The following ATG16L1 variants were observed in gnomAD, a reference collection of about 807,000 sequenced individuals.
ATG16L1 encodes the protein autophagy related 16 like 1.
A neutral mutation model predicts 88.5 loss-of-function variants in ATG16L1; 37 were observed. That is an observed-to-expected ratio of 0.42 (90% confidence interval 0.32 to 0.55). The LOEUF is 0.55. Among genes scored for constraint, ATG16L1 ranks in the 20% least tolerant of loss-of-function variants. The pLI is 0.13. For missense variants in ATG16L1, 554 were observed against 752.8 expected, an observed-to-expected ratio of 0.74 and a Z score of 3.09; for synonymous variants, 301 against 281.0, an observed-to-expected ratio of 1.07 and a Z score of -0.71.
intron 8 of ATG16L1, chr2:233,274,446 A>G (rs1698205029): frequency 4.4e-6 from 2 of 454,838 alleles, no homozygotes; most frequent in Non-Finnish European, 7.9e-6. Flanking sequence ...TTTGGAGTCC[A>G]CAGGTTAGTG....
At chr2:233,253,340 G>GTTTT (rs56151049) in intron 1 of ATG16L1, among the ~76,000 whole-genome samples, 1,417 of 108,470 alleles carry the variant, frequency 0.013, 64 homozygotes, top group African/African-American at 0.035. Context: ...GGGTTTTTTT[G>GTTTT]TTTTTTTTTT....
At chr2:233,288,596 T>G in intron 12 of ATG16L1, 1 of 372,480 alleles carries the variant, frequency 2.7e-6, no homozygotes, top group South Asian at 2.1e-5. Context: ...ATTTTCTAAT[T>G]AGAAAGAAAA....
chr2:233,265,212 A>G (rs1338940062), intron 5 of ATG16L1, 69 bp downstream of exon 5: 2 of 1,564,798 alleles, frequency 1.3e-6, no homozygotes, highest in Non-Finnish European at 1.7e-6. Flanking sequence ...TTGAAAAGAA[A>G]GAGATAAACC....
Position 233,282,732 on chromosome 2 carries a change from T to C in ATG16L1, c.1182T>C (p.Thr394=). The part of the protein sequence containing the change: ...ASNDFASRIW[T]VDDYRLRHTL... ...ATGATTTTGCAAGCCGAATCTGGACTGTGGATGATTATCGATTACGGGTAA... is the reference window on the plus strand; with the variant it reads ...ATGATTTTGCAAGCCGAATCTGGACCGTGGATGATTATCGATTACGGGTAA... The change falls in exon 12 of 18, where the codon ACT becomes ACC. Residue 394 remains threonine (T), a synonymous_variant. Transcript: ENST00000392017. 1.2e-6 allele frequency: 2 copies of C among 1,614,132 alleles called. No individual in the cohort carries two copies. The highest frequency in any genetic ancestry group is 1.7e-6 in the Non-Finnish European group (2 of 1,179,980).
intron 8 of ATG16L1, chr2:233,274,033 T>G (rs565076810): frequency 6.4e-7 from 1 of 1,550,554 alleles, no homozygotes; most frequent in African/African-American, 1.4e-5. Context: ...CTTCTTCTGA[T>G]GCTGCCAGGT....
At position 233,294,587 on chromosome 2, in the gene ATG16L1, C is replaced by A. The variant is rs76072155; in HGVS notation, c.*237C>A. On this transcript the variant is annotated 3_prime_UTR_variant, in exon 18 of 18. Transcript: ENST00000392017. Reference sequence around the variant, plus strand: ...TGACGCTGCGGTCACTTAGCAGAGGCTCAGGTTCTTGCCTTGGGAAACACT... The same window carrying A: ...TGACGCTGCGGTCACTTAGCAGAGGATCAGGTTCTTGCCTTGGGAAACACT... 3,994 of 380,690 alleles carry A rather than the reference C, an allele frequency of 0.01. 301 individuals are homozygous for A. In the East Asian group the frequency reaches 0.16, roughly 15 times the overall value. The allele number at this position is 380,690 out of a possible 1,614,324, so 23.6% of individuals were successfully genotyped here.
chr2:233,272,963 C>T lies in ATG16L1; in HGVS notation c.708-3C>T, dbSNP rs1375553673. 1.2e-5 allele frequency: 19 copies of T among 1,612,924 alleles called. No homozygotes were observed. Among genetic ancestry groups the T allele is most frequent in the Non-Finnish European group, 1.5e-5 (18 of 1,179,070 alleles). ...TCAAAGAATGTCTTGCCTTTCTTTCCAGGGATGATGACATTGAGGTCATTG... is the reference window on the plus strand; with the variant it reads ...TCAAAGAATGTCTTGCCTTTCTTTCTAGGGATGATGACATTGAGGTCATTG... On this transcript the variant is annotated splice_region_variant and splice_polypyrimidine_tract_variant and intron_variant, in intron 6 of 17. Transcript: ENST00000392017.
Position 233,265,103 on chromosome 2 carries a change from G to A in ATG16L1, c.601G>A (p.Glu201Lys), listed in dbSNP as rs1343097320. ...VTRWMAEKAQ[E>K]ANRLNAENEK... is the part of the protein sequence containing the mutation. Reference sequence around the variant, plus strand: ...CAGATGGATGGCTGAGAAAGCCCAGGAAGCCAATCGGCTTAATGCAGAGAA... The same window carrying A: ...CAGATGGATGGCTGAGAAAGCCCAGAAAGCCAATCGGCTTAATGCAGAGAA... The change falls in exon 5 of 18, where the codon GAA (glutamate) becomes AAA (lysine). Residue 201 changes from glutamate to lysine, a missense_variant. Coordinates refer to ENST00000392017, the MANE Select transcript of ATG16L1 (RefSeq NM_030803.7). 9.3e-6 allele frequency: 15 copies of A among 1,614,192 alleles called. No homozygotes were observed. Among genetic ancestry groups the A allele is most frequent in the Non-Finnish European group, 1.2e-5 (14 of 1,180,026 alleles).
chr2:233,262,403 G>A (rs184898140), intron 2 of ATG16L1, among the ~76,000 whole-genome samples: 11 of 152,028 alleles, frequency 7.2e-5, no homozygotes, highest in Admixed American at 2.0e-4. Context: ...TTCCCTTCAC[G>A]CCTAGTAAAC....
intron 12 of ATG16L1, among the ~76,000 whole-genome samples, chr2:233,285,289 A>C (rs1699002616): frequency 6.6e-6 from 1 of 152,186 alleles, no homozygotes; most frequent in Admixed American, 6.5e-5. Flanking sequence ...CCCTTAGAGG[A>C]GAAGAGGAAG....
intron 12 of ATG16L1, among the ~76,000 whole-genome samples, chr2:233,289,377 A>ATATGTGTGTGTGTGTGTGTGTGTG (rs1553608984): frequency 1.5e-5 from 2 of 129,060 alleles, no homozygotes. Context: ...CCTGTTTGGG[A>ATATGTGTGTGTGTGTGTGTGTGTG]TGTGTGTGTG....
intron 2 of ATG16L1, among the ~76,000 whole-genome samples, chr2:233,262,664 T>C (rs2125220040): frequency 6.6e-6 from 1 of 152,302 alleles, no homozygotes; most frequent in Non-Finnish European, 1.5e-5. Flanking sequence ...GAAACCCTCC[T>C]CAATTACGTT....
chr2:233,252,910 T>C (rs1393159735), intron 1 of ATG16L1, among the ~76,000 whole-genome samples: 1 of 152,242 alleles, frequency 6.6e-6, no homozygotes, highest in African/African-American at 2.4e-5. Context: ...GTTGATGATA[T>C]TCAGAATAAT....
At chr2:233,275,493 A>G in intron 9 of ATG16L1, 2 of 349,430 alleles carry the variant, frequency 5.7e-6, no homozygotes, top group South Asian at 4.4e-5. Flanking sequence ...CAGCTTTCAA[A>G]GCAGGGAAGA....
At chr2:233,275,246 T>A (rs1289207200) in intron 9 of ATG16L1, 1 of 198,428 alleles carries the variant, frequency 5.0e-6, no homozygotes, top group Non-Finnish European at 1.0e-5. Flanking sequence ...GCCACGGTGA[T>A]GGATACCAGG....
At chr2:233,253,332 G>GT (rs570754671) in intron 1 of ATG16L1, among the ~76,000 whole-genome samples, 3,922 of 112,252 alleles carry the variant, frequency 0.035, 353 homozygotes, top group African/African-American at 0.076. Context: ...GTGAGACTGG[G>GT]TTTTTTTGTT....
chr2:233,283,042 A>C, intron 12 of ATG16L1: 2 of 326,176 alleles, frequency 6.1e-6, no homozygotes, highest in South Asian at 6.7e-5. Flanking sequence ...GCTTAATGGC[A>C]CAGAACTTAG....
chr2:233,281,077 A>G, intron 10 of ATG16L1, 28 bp from the exon 11 acceptor site: 2 of 1,491,952 alleles, frequency 1.3e-6, no homozygotes, highest in South Asian at 2.4e-5. Flanking sequence ...TTAACTTCCC[A>G]TCATCCTAAT....
intron 14 of ATG16L1, among the ~76,000 whole-genome samples, chr2:233,291,069 A>G (rs1215987795): frequency 6.6e-6 from 1 of 152,182 alleles, no homozygotes; most frequent in Non-Finnish European, 1.5e-5. Flanking sequence ...GAGAGAATCT[A>G]TTTGAAGGAG....
Sources: gnomAD v4.1 joint callset for allele counts (sites outside exome capture counted in the v4.1 genomes callset) on GRCh38, gnomAD v4.1.1 for gene constraint, MANE v1.5 for transcripts, NCBI Gene and HGNC (gene_info 2026-07-23, HGNC 2026-07-21) for gene names.